Variants in RGS7 observed in about 807,000 individuals in gnomAD.
The protein encoded by RGS7 is regulator of G-protein signaling 7.
Under a neutral mutation model 81.1 loss-of-function variants are expected in RGS7, and 27 were observed. The ratio of observed to expected loss-of-function variants is 0.33; its 90% CI spans 0.25 to 0.46. RGS7 has a LOEUF of 0.46. Ranked by LOEUF, RGS7 falls within the 20% of genes least tolerant of loss-of-function variation. The pLI is 1.00. For synonymous variants in RGS7, 208 were observed against 207.7 expected (o/e 1.00, Z -0.01); for missense variants, 396 against 607.4 (o/e 0.65, Z 3.66).
intron 12 of RGS7, among the ~76,000 whole-genome samples, chr1:240,814,427 G>A (rs939672308): frequency 2.0e-5 from 3 of 152,170 alleles, no homozygotes; most frequent in African/African-American, 7.2e-5. Context: ...CTTCCAGCAG[G>A]AGTGAAAAGG....
intron 3 of RGS7, among the ~76,000 whole-genome samples, chr1:241,064,423 C>CA (rs557864611): frequency 0.11 from 10,644 of 95,144 alleles, 559 homozygotes; most frequent in South Asian, 0.18. Context: ...CAGTCTCTAC[C>CA]AAAAAAAAAA....
intron 2 of RGS7, among the ~76,000 whole-genome samples, chr1:241,301,645 T>C (rs961642046): frequency 6.6e-6 from 1 of 152,214 alleles, no homozygotes; most frequent in Non-Finnish European, 1.5e-5. Flanking sequence ...AATTGTGAAT[T>C]TATTAAAATA....
At chr1:241,050,375 G>A (rs2061182921) in intron 3 of RGS7, among the ~76,000 whole-genome samples, 1 of 152,142 alleles carries the variant, frequency 6.6e-6, no homozygotes, top group African/African-American at 2.4e-5. Flanking sequence ...AGGGAAACAG[G>A]AGTAGGCTAG....
intron 14 of RGS7, among the ~76,000 whole-genome samples, chr1:240,809,750 T>A (rs1410859027): frequency 6.6e-6 from 1 of 152,204 alleles, no homozygotes; most frequent in Admixed American, 6.5e-5. Context: ...TATTCTGGTG[T>A]CTTGTAGGTA....
rs569341765 is a variant in RGS7 at position 240,883,113 on chromosome 1, T to TGC, written c.386-12996_386-12995dup. On this transcript the variant is annotated intron_variant, in intron 6 of 18. Transcript: ENST00000440928. The stretch of plus-strand genomic sequence containing the variant: ...TGCATAGTATTCCATGGTGTGTATG[T>TGC]GCCACATTTTCTTAATCCAGTCTAT... 7.6e-3 allele frequency among the ~76,000 whole-genome samples: 1,137 copies of TGC among 150,076 alleles called. 13 individuals carry two copies. Among genetic ancestry groups the TGC allele is most frequent in the African/African-American group, 0.026 (1,064 of 40,742 alleles).
At chr1:241,156,369 G>A (rs866283223) in intron 2 of RGS7, among the ~76,000 whole-genome samples, 11 of 151,792 alleles carry the variant, frequency 7.2e-5, no homozygotes, top group South Asian at 4.2e-4. Flanking sequence ...AGCTGGACAT[G>A]GTAACGCACA....
intron 2 of RGS7, among the ~76,000 whole-genome samples, chr1:241,350,247 A>ATAT: frequency 6.6e-6 from 1 of 152,360 alleles, no homozygotes; most frequent in African/African-American, 2.4e-5. Flanking sequence ...AATATCAATG[A>ATAT]TGGTCCTATC....
intron 2 of RGS7, among the ~76,000 whole-genome samples, chr1:241,119,196 T>C (rs1369433243): frequency 3.3e-5 from 5 of 152,216 alleles, no homozygotes; most frequent in Admixed American, 3.3e-4. Context: ...CAACTAACTA[T>C]ATTTCTCAAA....
chr1:241,300,798 A>G (rs1006016506), intron 2 of RGS7, among the ~76,000 whole-genome samples: 34 of 152,232 alleles, frequency 2.2e-4, no homozygotes, highest in Admixed American at 1.8e-3. Flanking sequence ...TCTTGACTGT[A>G]CAGTAAGAGT....
At position 241,029,131 on chromosome 1, in the gene RGS7, GAAAAACAAAAC is replaced by G. The variant is rs200413055; in HGVS notation, c.176-46013_176-46003del. 7.7e-3 allele frequency among the ~76,000 whole-genome samples: 968 copies of G among 126,078 alleles called. 4 individuals carry two copies. The highest frequency in any genetic ancestry group is 0.017 in the Middle Eastern group (4 of 238). 82.7% of individuals were successfully genotyped at this position (126,078 alleles called of 152,430 possible). On this transcript the variant is annotated intron_variant, in intron 3 of 18. Coordinates refer to ENST00000440928, the MANE Select transcript of RGS7 (RefSeq NM_001364886.1). ...AGGTTGAGGCTGTTGATGTAAAAAAGAAAAACAAAACAAAAACAGAAACTAGAGGAAGTCAC... is the reference window on the plus strand; with the variant it reads ...AGGTTGAGGCTGTTGATGTAAAAAAGAAAAACAGAAACTAGAGGAAGTCAC...
chr1:241,135,000 G>A (rs1024006198), intron 2 of RGS7, among the ~76,000 whole-genome samples: 3 of 152,096 alleles, frequency 2.0e-5, no homozygotes, highest in Admixed American at 2.0e-4. Flanking sequence ...GAGGCCGTCC[G>A]GGTACTACGT....
chr1:241,286,247 C>T (rs2078802433), intron 2 of RGS7, among the ~76,000 whole-genome samples: 1 of 152,092 alleles, frequency 6.6e-6, no homozygotes, highest in South Asian at 2.1e-4. Context: ...CTTTAGGGAC[C>T]ATTTTGCTGG....
chr1:241,222,023 A>G (rs183411091), intron 2 of RGS7, among the ~76,000 whole-genome samples: 8 of 152,284 alleles, frequency 5.3e-5, no homozygotes, highest in Admixed American at 3.9e-4. Context: ...AATACAATGA[A>G]TTTCTAGGAA....
At chr1:241,246,980 C>A (rs553354412) in intron 2 of RGS7, among the ~76,000 whole-genome samples, 45 of 152,018 alleles carry the variant, frequency 3.0e-4, no homozygotes, top group African/African-American at 1.0e-3. Context: ...CTCCTAGAAA[C>A]TCCCAGAAAT....
chr1:240,922,921 C>T (rs1412580700), intron 6 of RGS7, among the ~76,000 whole-genome samples: 1 of 152,050 alleles, frequency 6.6e-6, no homozygotes, highest in Non-Finnish European at 1.5e-5. Flanking sequence ...TTTATAGCAG[C>T]TCAACTCGTA....
rs567312441 is a variant in RGS7 at position 241,251,634 on chromosome 1, C to T, written c.78+104065G>A. Among the ~76,000 whole-genome samples, 138 of 152,024 alleles carry T rather than the reference C, an allele frequency of 9.1e-4. 1 individual carries two copies. Among genetic ancestry groups the T allele is most frequent in the Admixed American group, 8.9e-3 (136 of 15,262 alleles). On this transcript the variant is annotated intron_variant, in intron 2 of 18. Transcript: ENST00000440928. Reference sequence around the variant, plus strand: ...AAGCAATTCTCCTGCCTCAACCTCCCGAGCAGCTGGGATTACAAGCGCTTG... The same window carrying T: ...AAGCAATTCTCCTGCCTCAACCTCCTGAGCAGCTGGGATTACAAGCGCTTG...
chr1:241,137,136 T>C (rs987090598), intron 2 of RGS7, among the ~76,000 whole-genome samples: 1 of 152,188 alleles, frequency 6.6e-6, no homozygotes, highest in Non-Finnish European at 1.5e-5. Flanking sequence ...TTCCTACTCC[T>C]TCCTCTCTCC....
chr1:240,807,376 A>T (rs945988968), intron 14 of RGS7, among the ~76,000 whole-genome samples: 1 of 152,236 alleles, frequency 6.6e-6, no homozygotes, highest in Admixed American at 6.5e-5. Context: ...CTCTAATAGT[A>T]GACGAAGTCA....
intron 6 of RGS7, among the ~76,000 whole-genome samples, chr1:240,873,690 A>T (rs138032279): frequency 2.4e-4 from 36 of 152,172 alleles, no homozygotes; most frequent in Non-Finnish European, 4.0e-4. Context: ...GCCCATGACA[A>T]AGGTATGAAA....
Sources: gnomAD v4.1 joint callset for allele counts (sites outside exome capture counted in the v4.1 genomes callset) on GRCh38, gnomAD v4.1.1 for gene constraint, MANE v1.5 for transcripts, NCBI Gene and HGNC (gene_info 2026-07-23, HGNC 2026-07-21) for gene names.